RALGAPA1: variants seen among roughly 807,000 people sequenced by gnomAD.
RALGAPA1 encodes Ral GTPase activating protein catalytic subunit alpha 1.
A neutral mutation model predicts 269.6 loss-of-function variants in RALGAPA1; 52 were observed. The ratio of observed to expected loss-of-function variants is 0.19; its 90% CI spans 0.15 to 0.24. The LOEUF is 0.24. RALGAPA1 is among the 10% of genes least tolerant of loss of function. RALGAPA1 has a pLI of 1.00. For missense variants in RALGAPA1, 1,917 were observed against 3,013.9 expected (o/e 0.64, Z 8.52); for synonymous variants, 817 against 1,008.3 (o/e 0.81, Z 3.60).
At chr14:35,650,519 T>C (rs1308668233) in intron 31 of RALGAPA1, among the ~76,000 whole-genome samples, 2 of 152,082 alleles carry the variant, frequency 1.3e-5, no homozygotes, top group Non-Finnish European at 2.9e-5. Flanking sequence ...AAACTGAATA[T>C]GAAGGGAAAG....
At chr14:35,660,067 T>A (rs942449720) in intron 27 of RALGAPA1, among the ~76,000 whole-genome samples, 6 of 152,086 alleles carry the variant, frequency 3.9e-5, no homozygotes, top group African/African-American at 1.4e-4. Flanking sequence ...GATAACATCA[T>A]AATCAACAGC....
intron 39 of RALGAPA1, among the ~76,000 whole-genome samples, chr14:35,554,562 G>A (rs2055394547): frequency 6.6e-6 from 1 of 151,420 alleles, no homozygotes; most frequent in Non-Finnish European, 1.5e-5. Flanking sequence ...TAGCCGGGAT[G>A]GTCTCGATCT....
chr14:35,793,175 G>A (rs995750788), intron 1 of RALGAPA1, among the ~76,000 whole-genome samples: 6 of 151,654 alleles, frequency 4.0e-5, no homozygotes, highest in African/African-American at 1.5e-4. Flanking sequence ...ACAAGAGGAT[G>A]GTGATGCCAT....
rs747152468 is a variant in RALGAPA1, at chr14:35,634,712, T to C, written c.5857A>G (p.Arg1953Gly). Residue 1953 changes from arginine (R) to glycine (G), a missense_variant, in exon 33 of 42, where the codon AGG becomes GGG. Coordinates refer to ENST00000680220, the MANE Select transcript of RALGAPA1 (RefSeq NM_001346249.2). ...TCAGAGAGGCTCATGGGAAAATACCTTGGATTGCTAAAACACTGAGCTCCA... is the reference window on the plus strand; with the variant it reads ...TCAGAGAGGCTCATGGGAAAATACCCTGGATTGCTAAAACACTGAGCTCCA... ...VYGAQCFSNP[R>G]YFPMSLSDLA... The C allele has an allele frequency of 6.2e-6, 10 of 1,612,614 alleles. No homozygotes were observed. Among genetic ancestry groups the C allele is most frequent in the Admixed American group, 1.7e-5 (1 of 59,920 alleles).
At chr14:35,804,114 T>C (rs2077178283) in intron 1 of RALGAPA1, among the ~76,000 whole-genome samples, 1 of 150,956 alleles carries the variant, frequency 6.6e-6, no homozygotes, top group Non-Finnish European at 1.5e-5. Flanking sequence ...GTACAAAAAT[T>C]AGCCAGGCAT....
At chr14:35,617,285 C>G (rs1022085964) in intron 35 of RALGAPA1, among the ~76,000 whole-genome samples, 2 of 152,036 alleles carry the variant, frequency 1.3e-5, no homozygotes, top group South Asian at 4.1e-4. Flanking sequence ...AGTTACAGAT[C>G]AGTCTGGCCA....
At chr14:35,795,569 T>C (rs1205622230) in intron 1 of RALGAPA1, among the ~76,000 whole-genome samples, 1 of 152,166 alleles carries the variant, frequency 6.6e-6, no homozygotes, top group Non-Finnish European at 1.5e-5. Context: ...TATTGCCTTA[T>C]ACTAGACAAT....
chr14:35,565,346 A>G (rs921935699), intron 39 of RALGAPA1, among the ~76,000 whole-genome samples: 7 of 150,210 alleles, frequency 4.7e-5, no homozygotes, highest in African/African-American at 1.7e-4. Context: ...AATATATAAC[A>G]TATATTATAC....
chr14:35,770,973 T>C lies in RALGAPA1; in HGVS notation c.294A>G (p.Arg98=), dbSNP rs142052327. The C allele has an allele frequency of 4.3e-6, 6 of 1,401,228 alleles. No homozygotes were observed. In the African/African-American group the frequency reaches 8.7e-5, roughly 20 times the overall value. 86.8% of individuals were successfully genotyped at this position (1,401,228 alleles called of 1,614,324 possible). The stretch of plus-strand genomic sequence containing the variant: ...TATGAAACTGCCATCGCTGATGAAT[T>C]CTTTCTGGAAGAAGTTGTAAAATTT... The part of the protein sequence containing the change: ...FEKILQLLPE[R]IHQRWQFHSI... Residue 98 remains arginine, a synonymous_variant, in exon 4 of 42, where the codon AGA becomes AGG. Coordinates refer to ENST00000680220, the MANE Select transcript of RALGAPA1 (RefSeq NM_001346249.2).
intron 16 of RALGAPA1, among the ~76,000 whole-genome samples, chr14:35,710,126 T>C (rs1055406369): frequency 2.0e-5 from 3 of 152,242 alleles, no homozygotes; most frequent in Admixed American, 2.0e-4. Flanking sequence ...GATAGAAAGA[T>C]GTTAAATATC....
At chr14:35,553,322 G>C (rs1187939036) in intron 39 of RALGAPA1, among the ~76,000 whole-genome samples, 1 of 152,136 alleles carries the variant, frequency 6.6e-6, no homozygotes, top group East Asian at 1.9e-4. Flanking sequence ...CGTACAGAGA[G>C]GGAATTTTGA....
intron 37 of RALGAPA1, among the ~76,000 whole-genome samples, chr14:35,584,928 A>G (rs2058182754): frequency 6.6e-6 from 1 of 152,162 alleles, no homozygotes; most frequent in Non-Finnish European, 1.5e-5. Context: ...AGCTAAAAAC[A>G]TATATATTGT....
chr14:35,541,040 ATTTTTTTTTTT>A (rs559979336), intron 41 of RALGAPA1, among the ~76,000 whole-genome samples: 2 of 89,170 alleles, frequency 2.2e-5, no homozygotes, highest in African/African-American at 1.1e-4. Flanking sequence ...GAACACTTCA[ATTTTTTTTTTT>A]TTTTTTTTTT....
At chr14:35,802,588 T>C (rs1354913095) in intron 1 of RALGAPA1, among the ~76,000 whole-genome samples, 1 of 151,544 alleles carries the variant, frequency 6.6e-6, no homozygotes, top group Non-Finnish European at 1.5e-5. Context: ...TTCAATATCG[T>C]CAATTTTCCC....
chr14:35,732,898 A>G (rs1160096632), intron 12 of RALGAPA1, among the ~76,000 whole-genome samples: 1 of 152,230 alleles, frequency 6.6e-6, no homozygotes, highest in Non-Finnish European at 1.5e-5. Flanking sequence ...GAACAAATGG[A>G]CTTAACAGAT....
chr14:35,558,869 A>C (rs2055882059), intron 39 of RALGAPA1, among the ~76,000 whole-genome samples: 1 of 152,124 alleles, frequency 6.6e-6, no homozygotes, highest in Admixed American at 6.5e-5. Flanking sequence ...ATAATACTCA[A>C]GAGCCAGGTT....
intron 7 of RALGAPA1, among the ~76,000 whole-genome samples, chr14:35,756,161 A>C (rs1368803627): frequency 1.3e-5 from 2 of 152,240 alleles, no homozygotes; most frequent in Non-Finnish European, 2.9e-5. Context: ...TTAGAAAATA[A>C]GCACAACTGT....
At chr14:35,752,240 G>A (rs866245881) in intron 7 of RALGAPA1, 78 bp from the exon 8 acceptor site, 54 of 1,368,536 alleles carry the variant, frequency 3.9e-5, no homozygotes, top group Middle Eastern at 5.0e-4. Flanking sequence ...TTATAAACAA[G>A]CTTGTAAAAG....
chr14:35,720,603 C>G (rs2069312087), intron 16 of RALGAPA1, among the ~76,000 whole-genome samples: 1 of 152,182 alleles, frequency 6.6e-6, no homozygotes, highest in Admixed American at 6.5e-5. Context: ...GCAGTATTAT[C>G]ATTCCCACTA....
Sources: allele counts gnomAD v4.1 joint callset (sites outside exome capture counted in the v4.1 genomes callset), GRCh38; gene constraint gnomAD v4.1.1; transcripts MANE v1.5; gene names NCBI Gene and HGNC (gene_info 2026-07-23, HGNC 2026-07-21).